Variants in GALNT17 observed in about 807,000 individuals in gnomAD.
GALNT17 encodes the protein polypeptide N-acetylgalactosaminyltransferase 17.
GALNT17 carries 29 observed loss-of-function variants against 63.7 expected under a neutral mutation model. That is an observed-to-expected ratio of 0.46 (90% CI 0.34 to 0.62). GALNT17 has a LOEUF of 0.62. GALNT17 is among the 20% of genes least tolerant of loss of function. GALNT17 has a pLI of 0.01. For synonymous variants in GALNT17, 305 were observed against 318.3 expected, an observed-to-expected ratio of 0.96 and a Z score of 0.45; for missense variants, 603 against 799.6, an observed-to-expected ratio of 0.75 and a Z score of 2.97.
intron 5 of GALNT17, among the ~76,000 whole-genome samples, chr7:71,495,890 A>C (rs1233549295): frequency 1.3e-5 from 2 of 152,214 alleles, no homozygotes; most frequent in African/African-American, 4.8e-5. Flanking sequence ...TCCAGGGATC[A>C]GCAGGTGCCA....
chr7:71,692,011 A>C (rs1308897750), intron 9 of GALNT17, among the ~76,000 whole-genome samples: 1 of 151,866 alleles, frequency 6.6e-6, no homozygotes. Context: ...TCCTGGATTC[A>C]AGCAATCCTC....
chr7:71,502,327 T>C (rs567324826), intron 5 of GALNT17, among the ~76,000 whole-genome samples: 84 of 152,298 alleles, frequency 5.5e-4, no homozygotes, highest in East Asian at 3.7e-3. Flanking sequence ...CACTGAGAGA[T>C]GGGGTCACAT....
chr7:71,586,477 C>T (rs1180985331), intron 6 of GALNT17, among the ~76,000 whole-genome samples: 1 of 152,168 alleles, frequency 6.6e-6, no homozygotes, highest in Non-Finnish European at 1.5e-5. Flanking sequence ...TATGAGCATT[C>T]ATATAAAAGT....
chr7:71,155,764 G>A (rs922789535), intron 1 of GALNT17, among the ~76,000 whole-genome samples: 7 of 151,830 alleles, frequency 4.6e-5, no homozygotes, highest in African/African-American at 1.7e-4. Flanking sequence ...ATCATTCTCT[G>A]GAGATTTAAA....
At chr7:71,703,565 A>C (rs1306872160) in intron 9 of GALNT17, among the ~76,000 whole-genome samples, 2 of 152,240 alleles carry the variant, frequency 1.3e-5, no homozygotes, top group South Asian at 4.1e-4. Context: ...TCACATTTCA[A>C]CATGATATTT....
chr7:71,311,777 T>TC (rs1297156809), intron 1 of GALNT17, among the ~76,000 whole-genome samples: 1 of 152,182 alleles, frequency 6.6e-6, no homozygotes, highest in East Asian at 1.9e-4. Flanking sequence ...TGCTCACCAG[T>TC]CCCTGTGTGG....
rs189338517 is a variant in GALNT17, at chr7:71,608,160, A to G, written c.1080+36758A>G. ...CTAATACCTCTTTTTACTCTCAGAA[A>G]CGTGCATGTGAGTACATAAATCATA... On this transcript the variant is annotated intron_variant, in intron 6 of 10. Coordinates refer to ENST00000333538, the MANE Select transcript of GALNT17 (RefSeq NM_022479.3). Among the ~76,000 whole-genome samples, 432 of 152,288 alleles carry G rather than the reference A, an allele frequency of 2.8e-3. 3 individuals are homozygous for G. Among genetic ancestry groups the G allele is most frequent in the African/African-American group, 1.0e-2 (415 of 41,548 alleles).
intron 1 of GALNT17, among the ~76,000 whole-genome samples, chr7:71,185,999 A>G (rs974124476): frequency 1.3e-5 from 2 of 152,170 alleles, no homozygotes; most frequent in African/African-American, 4.8e-5. Flanking sequence ...ATCATTCAAG[A>G]TTCCTTTATG....
Position 71,265,098 on chromosome 7 carries a change from T to TTATATATATATATA in GALNT17, c.239-70444_239-70431dup, listed in dbSNP as rs1554345967. Among the ~76,000 whole-genome samples the TTATATATATATATA allele has an allele frequency of 1.1e-4, 9 of 78,364 alleles. No individual in the cohort carries two copies. In the South Asian group the frequency reaches 1.8e-3, roughly 16 times the overall value. The allele number at this position is 78,364 out of a possible 152,430, so 51.4% of individuals were successfully genotyped here. A position where few individuals can be genotyped will look rare whatever the true frequency, so the allele number is the denominator to read the frequency against. ...AAATACCACACGTAACCCATAAATA[T>TTATATATATATATA]TATATATATATATATATATATTTTT... On this transcript the variant is annotated intron_variant, in intron 1 of 10. Coordinates refer to ENST00000333538, the MANE Select transcript of GALNT17 (RefSeq NM_022479.3).
At chr7:71,137,238 C>G (rs1286527976) in intron 1 of GALNT17, among the ~76,000 whole-genome samples, 2 of 149,724 alleles carry the variant, frequency 1.3e-5, no homozygotes, top group Non-Finnish European at 3.0e-5. Flanking sequence ...CTCCCGGGTT[C>G]ACGCCATTCT....
At position 71,205,150 on chromosome 7, in the gene GALNT17, TA is replaced by T. The variant is rs1789247518; in HGVS notation, c.238+72111del. On this transcript the variant is annotated intron_variant, in intron 1 of 10. Transcript: ENST00000333538. ...ATTTTATTTTTTATTTTTTACTTTT[TA>T]CTTTTTTTTTTTTTTTTTTTTGAGA... 5.0e-5 allele frequency among the ~76,000 whole-genome samples: 7 copies of T among 139,636 alleles called. 1 individual carries two copies. The highest frequency in any genetic ancestry group is 4.9e-4 in the Admixed American group (7 of 14,226). 91.6% of individuals were successfully genotyped at this position (139,636 alleles called of 152,430 possible). A position where few individuals can be genotyped will look rare whatever the true frequency, so the allele number is the denominator to read the frequency against.
chr7:71,627,674 C>CT (rs887056674), intron 6 of GALNT17, among the ~76,000 whole-genome samples: 2 of 152,166 alleles, frequency 1.3e-5, no homozygotes, highest in Non-Finnish European at 2.9e-5. Context: ...ATCCACAGTT[C>CT]TTTTTTTGTT....
chr7:71,355,931 T>C (rs2707434), intron 2 of GALNT17, among the ~76,000 whole-genome samples: 4,776 of 152,308 alleles, frequency 0.031, 250 homozygotes, highest in African/African-American at 0.11. Context: ...TCTGATTTTC[T>C]GTTTTCACTT....
intron 5 of GALNT17, among the ~76,000 whole-genome samples, chr7:71,423,340 T>C (rs1049354632): frequency 2.0e-5 from 3 of 152,170 alleles, no homozygotes; most frequent in African/African-American, 7.2e-5. Context: ...CTGTGAATGG[T>C]ACCTTATTTG....
At position 71,669,836 on chromosome 7, in the gene GALNT17, C is replaced by G. The variant is rs1791041358; in HGVS notation, c.1267-136C>G. The G allele has an allele frequency of 8.3e-6, 9 of 1,083,106 alleles. No individual in the cohort carries two copies. The South Asian group carries it at 1.5e-4, about 18-fold the overall frequency. The allele number at this position is 1,083,106 out of a possible 1,614,324, so 67.1% of individuals were successfully genotyped here. On this transcript the variant is annotated intron_variant, in intron 7 of 10. Transcript: ENST00000333538. ...TCTGCCTCCTAAAGTGCTGGGATTA[C>G]AGGCATGAGCCACCGTGCCCAGCCC...
chr7:71,367,792 C>G (rs1028405702), intron 2 of GALNT17, among the ~76,000 whole-genome samples: 1 of 152,196 alleles, frequency 6.6e-6, no homozygotes. Context: ...CCGTTTTCTG[C>G]CAACGATGCA....
At chr7:71,625,712 C>G (rs1790364157) in intron 6 of GALNT17, among the ~76,000 whole-genome samples, 1 of 152,098 alleles carries the variant, frequency 6.6e-6, no homozygotes, top group South Asian at 2.1e-4. Flanking sequence ...AAACACATGA[C>G]TTCAGCAGTC....
chr7:71,379,236 A>G (rs1183804416), intron 2 of GALNT17, among the ~76,000 whole-genome samples: 1 of 152,170 alleles, frequency 6.6e-6, no homozygotes, highest in African/African-American at 2.4e-5. Flanking sequence ...CTTGAGAGAC[A>G]GCATTCTCAG....
chr7:71,574,824 G>A (rs1352066527), intron 6 of GALNT17, among the ~76,000 whole-genome samples: 1 of 152,086 alleles, frequency 6.6e-6, no homozygotes, highest in Non-Finnish European at 1.5e-5. Context: ...TTGTTGGAGA[G>A]CTACTGGTCT....
Sources: allele counts gnomAD v4.1 joint callset (sites outside exome capture counted in the v4.1 genomes callset), GRCh38; gene constraint gnomAD v4.1.1; transcripts MANE v1.5; gene names NCBI Gene and HGNC (gene_info 2026-07-23, HGNC 2026-07-21).